Variants in MGST3 observed in about 807,000 individuals in gnomAD.
The protein encoded by MGST3 is microsomal glutathione S-transferase 3, also known as glutathione S-transferase 3, mitochondrial.
In MGST3, 13 loss-of-function variants were observed where a neutral mutation model predicts 15.8. The ratio of observed to expected loss-of-function variants is 0.82; its 90% CI spans 0.54 to 1.31. MGST3 has a LOEUF of 1.31. Among genes scored for constraint, MGST3 ranks in the 50% most tolerant of loss-of-function variants. The pLI is 0.00. For missense variants in MGST3, 155 were observed against 192.4 expected (o/e 0.81, Z 1.15); for synonymous variants, 49 against 68.1 (o/e 0.72, Z 1.38).
intron 1 of MGST3, among the ~76,000 whole-genome samples, chr1:165,631,526 C>T (rs940189390): frequency 3.3e-5 from 5 of 152,166 alleles, no homozygotes; most frequent in Non-Finnish European, 7.3e-5. Flanking sequence ...TAAGCGAGGC[C>T]CGACCTATTT....
chr1:165,648,815 T>C (rs547168197), intron 1 of MGST3: 1 of 152,334 alleles, frequency 6.6e-6, no homozygotes, highest in East Asian at 1.9e-4. Context: ...TGAAAGGGAA[T>C]ATTGGAACCA....
chr1:165,636,583 A>G (rs912719362), intron 1 of MGST3, among the ~76,000 whole-genome samples: 1 of 152,044 alleles, frequency 6.6e-6, no homozygotes, highest in African/African-American at 2.4e-5. Flanking sequence ...TAAAAATACA[A>G]AAATTAACCG....
intron 1 of MGST3, among the ~76,000 whole-genome samples, chr1:165,634,796 C>CCTCTCCCTCCCTCCCTCT (rs1557990269): frequency 2.5e-5 from 3 of 121,862 alleles, no homozygotes; most frequent in Admixed American, 7.9e-5. Flanking sequence ...TCCCTCCCTC[C>CCTCTCCCTCCCTCCCTCT]CCCCCACTCT....
In MGST3 at chr1:165,655,723, A is replaced by G. The variant is rs1648691470; in HGVS notation, c.*219A>G. On this transcript the variant is annotated 3_prime_UTR_variant, in exon 6 of 6. Transcript: ENST00000367889. ...GCCACAAGTATTGTGCCCTCTCCTCACCCTTCCAGCAGATGCTTCTGTAGT... is the reference window on the plus strand; with the variant it reads ...GCCACAAGTATTGTGCCCTCTCCTCGCCCTTCCAGCAGATGCTTCTGTAGT... The G allele has an allele frequency of 1.7e-6, 1 of 581,580 alleles. No homozygotes were observed. Among genetic ancestry groups the G allele is most frequent in the Non-Finnish European group, 3.0e-6 (1 of 332,594 alleles). The allele number at this position is 581,580 out of a possible 1,614,324, so 36.0% of individuals were successfully genotyped here. A position where few individuals can be genotyped will look rare whatever the true frequency, so the allele number is the denominator to read the frequency against.
chr1:165,638,500 C>G (rs1648174565), intron 1 of MGST3, among the ~76,000 whole-genome samples: 1 of 151,780 alleles, frequency 6.6e-6, no homozygotes, highest in Non-Finnish European at 1.5e-5. Context: ...AAACAAAAAC[C>G]CAGCCAGGTA....
chr1:165,653,966 CCTT>C (rs1296955018), intron 4 of MGST3: 1 of 384,844 alleles, frequency 2.6e-6, no homozygotes, highest in Non-Finnish European at 4.8e-6. Context: ...GCCCACATGT[CCTT>C]CTCTTGAGCT....
chr1:165,631,468 C>T (rs1172592586), intron 1 of MGST3, among the ~76,000 whole-genome samples, 175 bp downstream of exon 1: 1 of 152,236 alleles, frequency 6.6e-6, no homozygotes, highest in Non-Finnish European at 1.5e-5. Flanking sequence ...CCTCTCTGCT[C>T]TCCCCTTGCC....
intron 1 of MGST3, among the ~76,000 whole-genome samples, chr1:165,639,056 T>G (rs1648197253): frequency 6.6e-6 from 1 of 152,172 alleles, no homozygotes; most frequent in Non-Finnish European, 1.5e-5. Context: ...AAACTGTCTC[T>G]CTTTGCAGAT....
rs1167859618 is a variant in MGST3, at chr1:165,655,738, G to A, written c.*234G>A. 5.5e-6 allele frequency: 3 copies of A among 546,674 alleles called. No homozygotes were observed. In the East Asian group the frequency reaches 9.7e-5, roughly 18 times the overall value. The allele number at this position is 546,674 out of a possible 1,614,324, so 33.9% of individuals were successfully genotyped here. ...CCCTCTCCTCACCCTTCCAGCAGAT[G>A]CTTCTGTAGTATGTGAGGTTGAGAA... On this transcript the variant is annotated 3_prime_UTR_variant, in exon 6 of 6. Coordinates refer to ENST00000367889, the MANE Select transcript of MGST3 (RefSeq NM_004528.4).
chr1:165,651,337 C>T (rs1214643194), intron 3 of MGST3: 9 of 540,236 alleles, frequency 1.7e-5, no homozygotes, highest in Non-Finnish European at 2.7e-5. Context: ...TTACCTACTA[C>T]AGTTTTGCAG....
chr1:165,641,555 C>T (rs1648266596), intron 1 of MGST3, among the ~76,000 whole-genome samples: 1 of 152,222 alleles, frequency 6.6e-6, no homozygotes, highest in Non-Finnish European at 1.5e-5. Flanking sequence ...CATATGTGGA[C>T]AGACATGTAC....
chr1:165,652,729 T>C (rs1346911548), intron 4 of MGST3, among the ~76,000 whole-genome samples: 1 of 152,096 alleles, frequency 6.6e-6, no homozygotes, highest in Middle Eastern at 3.2e-3. Flanking sequence ...GTTTGTTTGG[T>C]GAGCAGTGAG....
chr1:165,654,594 G>A (rs1473368716), intron 5 of MGST3, among the ~76,000 whole-genome samples: 2 of 152,096 alleles, frequency 1.3e-5, no homozygotes, highest in Non-Finnish European at 2.9e-5. Context: ...GGGAGGCTGA[G>A]GCGGGAGGAT....
At chr1:165,649,218 C>T in intron 1 of MGST3, 1 of 155,136 alleles carries the variant, frequency 6.4e-6, no homozygotes, top group Non-Finnish European at 1.4e-5. Flanking sequence ...CCCGCACGTG[C>T]CCCAGGATCG....
chr1:165,654,447 T>C lies in MGST3; in HGVS notation c.322+96T>C, dbSNP rs1026869270. ...GGCTTACACCTGTAATCCCAGCACTTTGGGAGGCGAAGGCAGGCAGATTGC... is the reference window on the plus strand; with the variant it reads ...GGCTTACACCTGTAATCCCAGCACTCTGGGAGGCGAAGGCAGGCAGATTGC... On this transcript the variant is annotated intron_variant, in intron 5 of 5. Transcript: ENST00000367889. 2.7e-5 allele frequency: 32 copies of C among 1,170,630 alleles called. No individual in the cohort carries two copies. In the African/African-American group the frequency reaches 4.5e-4, roughly 17 times the overall value. 72.5% of individuals were successfully genotyped at this position (1,170,630 alleles called of 1,614,324 possible).
chr1:165,648,278 G>A (rs1247618031), intron 1 of MGST3, among the ~76,000 whole-genome samples: 1 of 152,252 alleles, frequency 6.6e-6, no homozygotes, highest in African/African-American at 2.4e-5. Flanking sequence ...GCATGCCTCA[G>A]AGAGCAGCTC....
In MGST3 at chr1:165,649,982, C is replaced by T. The variant is rs912585070; in HGVS notation, c.117+18C>T. 5 of 1,613,732 alleles carry T rather than the reference C, an allele frequency of 3.1e-6. No individual in the cohort carries two copies. Among genetic ancestry groups the T allele is most frequent in the African/African-American group, 1.3e-5 (1 of 75,034 alleles). ...AAGTGGAGGTAAGTGGGAACACAAG[C>T]TGGTGCCCTTGTAGGCTTGTCTGGG... On this transcript the variant is annotated intron_variant, in intron 2 of 5. Transcript: ENST00000367889.
In MGST3 at chr1:165,632,280, T is replaced by G. The variant is rs538459512; in HGVS notation, c.-8+987T>G. The G allele has an allele frequency of 1.5e-5, 24 of 1,612,504 alleles. 1 individual carries two copies. Among genetic ancestry groups the G allele is most frequent in the African/African-American group, 6.7e-5 (5 of 74,932 alleles). ...AGGCGCTTCCGGCTCTGCAGGTATG[T>G]GCTGTTGGGCCTAGGTGTGGTCCTG... is the stretch of plus-strand genomic sequence containing the variant. On this transcript the variant is annotated intron_variant, in intron 1 of 5. Coordinates refer to ENST00000367889, the MANE Select transcript of MGST3 (RefSeq NM_004528.4).
chr1:165,654,433 G>A (rs760516894), intron 5 of MGST3, 82 bp downstream of exon 5: 196 of 1,310,150 alleles, frequency 1.5e-4, no homozygotes, highest in Non-Finnish European at 1.0e-4. Context: ...GCTTACACCT[G>A]TAATCCCAGC....
Sources: gnomAD v4.1 joint callset for allele counts (sites outside exome capture counted in the v4.1 genomes callset) on GRCh38, gnomAD v4.1.1 for gene constraint, MANE v1.5 for transcripts, NCBI Gene and HGNC (gene_info 2026-07-23, HGNC 2026-07-21) for gene names.